ZNF26: variants seen among roughly 807,000 people sequenced by gnomAD.
ZNF26 encodes epididymis luminal protein 179.
In ZNF26, 32 loss-of-function variants were observed where a neutral mutation model predicts 54.9. That is an observed-to-expected ratio of 0.58 (90% CI 0.44 to 0.78). The LOEUF is 0.78. Ranked by LOEUF, ZNF26 falls within the 30% of genes least tolerant of loss-of-function variation. The pLI is 0.00. For synonymous variants in ZNF26, 221 were observed against 209.2 expected (o/e 1.06, Z -0.49); for missense variants, 524 against 634.0 (o/e 0.83, Z 1.86).
intron 1 of ZNF26, among the ~76,000 whole-genome samples, chr12:133,002,472 C>T (rs913645829): frequency 2.0e-5 from 3 of 152,014 alleles, no homozygotes; most frequent in Admixed American, 6.6e-5. Context: ...CCAGTCAGAG[C>T]GAGAAGCCTT....
At chr12:132,999,474 C>T (rs1462424098) in intron 1 of ZNF26, among the ~76,000 whole-genome samples, 1 of 152,114 alleles carries the variant, frequency 6.6e-6, no homozygotes, top group Non-Finnish European at 1.5e-5. Context: ...TCAGGATGGT[C>T]TCGATCTCTT....
chr12:132,996,881 G>A (rs1043520794), intron 1 of ZNF26, among the ~76,000 whole-genome samples: 48 of 149,106 alleles, frequency 3.2e-4, no homozygotes, highest in African/African-American at 1.1e-3. Flanking sequence ...TTTCTTACTG[G>A]TTCTCATGGT....
Position 132,986,590 on chromosome 12 carries a change from C to T in ZNF26, c.-251C>T. Reference sequence around the variant, plus strand: ...AGATCAGCCTCCTGCTCTCCCGAGTCAGGGCCACGGAAAGGCACAAATCCA... The same window carrying T: ...AGATCAGCCTCCTGCTCTCCCGAGTTAGGGCCACGGAAAGGCACAAATCCA... On this transcript the variant is annotated 5_prime_UTR_variant, in exon 1 of 4. Transcript: ENST00000328654. The T allele has an allele frequency of 3.5e-6, 2 of 579,380 alleles. No homozygotes were observed. Among genetic ancestry groups the T allele is most frequent in the Non-Finnish European group, 6.2e-6 (2 of 323,668 alleles). The allele number at this position is 579,380 out of a possible 1,614,324, so 35.9% of individuals were successfully genotyped here. A position where few individuals can be genotyped will look rare whatever the true frequency, so the allele number is the denominator to read the frequency against.
chr12:132,988,408 A>T (rs1047418011), intron 1 of ZNF26, among the ~76,000 whole-genome samples: 4 of 150,030 alleles, frequency 2.7e-5, no homozygotes, highest in Non-Finnish European at 5.9e-5. Context: ...GCTAATTAAA[A>T]ATTTTTTTTT....
chr12:133,008,551 T>C (rs923167962), intron 3 of ZNF26, among the ~76,000 whole-genome samples: 1 of 151,338 alleles, frequency 6.6e-6, no homozygotes, highest in Non-Finnish European at 1.5e-5. Context: ...CCGAGGCGGG[T>C]GGATCACAAG....
At chr12:133,007,655 A>T in intron 3 of ZNF26, 123 bp downstream of exon 3, 1 of 640,068 alleles carries the variant, frequency 1.6e-6, no homozygotes. Flanking sequence ...ATTGGAGCTG[A>T]CTCAGGATGA....
chr12:132,991,264 G>A (rs1593632969), intron 1 of ZNF26, among the ~76,000 whole-genome samples: 1 of 151,590 alleles, frequency 6.6e-6, no homozygotes. Flanking sequence ...TTGGGAGGCC[G>A]AGGCGGGTGA....
At position 133,018,681 on chromosome 12, in the gene ZNF26, GC is replaced by G. The variant is rs1953599389; in HGVS notation, c.*7203del. 6.6e-6 allele frequency: 1 copy of G among 152,054 alleles called. No homozygotes were observed. The highest frequency in any genetic ancestry group is 2.1e-4 in the South Asian group (1 of 4,820). The allele number at this position is 152,054 out of a possible 1,614,324, so 9.4% of individuals were successfully genotyped here. A position where few individuals can be genotyped will look rare whatever the true frequency, so the allele number is the denominator to read the frequency against. Reference sequence around the variant, plus strand: ...TTTTTTAAGAGGGTCTTGCTCTATTGCCCAGGCTGGAGTGCAGTTGCATGAT... The same window carrying G: ...TTTTTTAAGAGGGTCTTGCTCTATTGCCAGGCTGGAGTGCAGTTGCATGAT... On this transcript the variant is annotated 3_prime_UTR_variant, in exon 4 of 4. Transcript: ENST00000328654.
chr12:133,024,349 CTT>C lies in ZNF26; in HGVS notation c.*12873_*12874del, dbSNP rs796111535. ...TTATTGAAACATGGAGAAAATGAGA[CTT>C]TTTTATGTAGTGACAGGTGTATCAA... On this transcript the variant is annotated 3_prime_UTR_variant, in exon 4 of 4. Transcript: ENST00000328654. The C allele has an allele frequency of 2.6e-5, 4 of 152,252 alleles. No individual in the cohort carries two copies. Among genetic ancestry groups the C allele is most frequent in the African/African-American group, 7.2e-5 (3 of 41,536 alleles). The allele number at this position is 152,252 out of a possible 1,614,324, so 9.4% of individuals were successfully genotyped here.
chr12:133,011,503 G>T lies in ZNF26; in HGVS notation c.*22G>T. 1 of 1,519,976 alleles carries T rather than the reference G, an allele frequency of 6.6e-7. No individual in the cohort carries two copies. The highest frequency in any genetic ancestry group is 1.4e-5 in the South Asian group (1 of 73,324). The allele number at this position is 1,519,976 out of a possible 1,614,324, so 94.2% of individuals were successfully genotyped here. On this transcript the variant is annotated 3_prime_UTR_variant, in exon 4 of 4. Transcript: ENST00000328654. ...ATGAGAAATCAGAATGATGCAATGT[G>T]AGAAACTGATGTTCAGGAGACTTCG...
intron 1 of ZNF26, among the ~76,000 whole-genome samples, chr12:132,987,416 G>A (rs1024121355): frequency 1.9e-4 from 29 of 152,324 alleles, no homozygotes; most frequent in South Asian, 4.1e-4. Context: ...GAGCTCGAGA[G>A]TCCGAAAGGT....
intron 1 of ZNF26, among the ~76,000 whole-genome samples, chr12:132,995,779 G>A (rs1405597194): frequency 1.3e-5 from 2 of 152,094 alleles, no homozygotes; most frequent in Non-Finnish European, 2.9e-5. Flanking sequence ...AGCCTACCCA[G>A]TAGCTGGGAT....
intron 1 of ZNF26, among the ~76,000 whole-genome samples, chr12:132,993,703 C>A (rs796078770): frequency 1.4e-4 from 21 of 151,738 alleles, no homozygotes; most frequent in African/African-American, 3.6e-4. Context: ...TGATCTACCC[C>A]CCTCGGCCTC....
chr12:133,022,695 G>T lies in ZNF26; in HGVS notation c.*11214G>T, dbSNP rs1953659697. 6.6e-6 allele frequency: 1 copy of T among 152,112 alleles called. No individual in the cohort carries two copies. 9.4% of individuals were successfully genotyped at this position (152,112 alleles called of 1,614,324 possible). On this transcript the variant is annotated 3_prime_UTR_variant, in exon 4 of 4. Transcript: ENST00000328654. ...TGATAAAGATGTAAAAGAATAAAGA[G>T]ACTATTATCCAGTTGATAAAATATG...
Position 132,986,558 on chromosome 12 carries a change from C to T in ZNF26, c.-283C>T. On this transcript the variant is annotated 5_prime_UTR_variant, in exon 1 of 4. It adds an upstream start codon to the 5' untranslated region. Transcript: ENST00000328654. ...CACTTCCGTCGGTCCGGGGCGTGGA[C>T]GGGGCCAGATCAGCCTCCTGCTCTC... 6 of 543,440 alleles carry T rather than the reference C, an allele frequency of 1.1e-5. No homozygotes were observed. Among genetic ancestry groups the T allele is most frequent in the Non-Finnish European group, 2.0e-5 (6 of 302,024 alleles). 33.7% of individuals were successfully genotyped at this position (543,440 alleles called of 1,614,324 possible). A position where few individuals can be genotyped will look rare whatever the true frequency, so the allele number is the denominator to read the frequency against.
chr12:132,998,190 G>A (rs759217543), intron 1 of ZNF26, among the ~76,000 whole-genome samples: 1 of 149,388 alleles, frequency 6.7e-6, no homozygotes, highest in African/African-American at 2.5e-5. Context: ...TTTTTGAGAC[G>A]GAGTCTTGCT....
At chr12:132,988,509 A>T (rs1189417219) in intron 1 of ZNF26, among the ~76,000 whole-genome samples, 1 of 151,610 alleles carries the variant, frequency 6.6e-6, no homozygotes, top group Admixed American at 6.6e-5. Flanking sequence ...CTCCCAAAGC[A>T]TTGGTGGGAT....
rs1477764945 is a variant in ZNF26, at chr12:133,023,970, C to T, written c.*12489C>T. The T allele has an allele frequency of 1.3e-5, 2 of 152,242 alleles. No individual in the cohort carries two copies. The highest frequency in any genetic ancestry group is 4.8e-5 in the African/African-American group (2 of 41,452). 9.4% of individuals were successfully genotyped at this position (152,242 alleles called of 1,614,324 possible). A position where few individuals can be genotyped will look rare whatever the true frequency, so the allele number is the denominator to read the frequency against. On this transcript the variant is annotated 3_prime_UTR_variant, in exon 4 of 4. Transcript: ENST00000328654. ...TGTTCAGCCCCATATGCTCCCGTTC[C>T]ATGCCTTTCTGGCTCCATGAGAAAT...
Position 132,986,925 on chromosome 12 carries a change from A to G in ZNF26, c.33+52A>G. 1.3e-6 allele frequency: 2 copies of G among 1,558,254 alleles called. 1 individual carries two copies. Among genetic ancestry groups the G allele is most frequent in the East Asian group, 4.7e-5 (2 of 43,010 alleles). On this transcript the variant is annotated intron_variant, in intron 1 of 3. Transcript: ENST00000328654. ...ATTCGACTGGATACTGAGGGTGGCC[A>G]CGTTAATCTCTTCAGGGTTACTCCG... is the stretch of plus-strand genomic sequence containing the variant.
Sources: allele counts gnomAD v4.1 joint callset (sites outside exome capture counted in the v4.1 genomes callset), GRCh38; gene constraint gnomAD v4.1.1; transcripts MANE v1.5; gene names NCBI Gene and HGNC (gene_info 2026-07-23, HGNC 2026-07-21).